Variants in GPC5 observed in about 807,000 individuals in gnomAD.
The protein encoded by GPC5 is glypican 5, also known as glypican-5.
GPC5 carries 47 observed loss-of-function variants against 53.9 expected under a neutral mutation model. That is an observed-to-expected ratio of 0.87 (90% confidence interval 0.69 to 1.11). The LOEUF is 1.11. Among genes scored for constraint, GPC5 ranks in the 50% most tolerant of loss-of-function variants. The pLI, the probability that GPC5 is intolerant of heterozygous loss-of-function variation, is 0.00. For synonymous variants in GPC5, 286 were observed against 263.3 expected (o/e 1.09, Z -0.84); for missense variants, 748 against 713.1 (o/e 1.05, Z -0.56).
At chr13:92,096,214 C>T (rs1387730987) in intron 6 of GPC5, among the ~76,000 whole-genome samples, 1 of 152,166 alleles carries the variant, frequency 6.6e-6, no homozygotes, top group East Asian at 1.9e-4. Context: ...ATTTCTTCCC[C>T]ATCATTGGCC....
chr13:92,108,890 T>A (rs1291926105), intron 6 of GPC5, among the ~76,000 whole-genome samples: 1 of 152,084 alleles, frequency 6.6e-6, no homozygotes, highest in Non-Finnish European at 1.5e-5. Context: ...AGCCATCGTA[T>A]GTAAATTACT....
chr13:91,410,343 T>G (rs1041713427), intron 1 of GPC5, among the ~76,000 whole-genome samples: 1 of 79,094 alleles, frequency 1.3e-5, no homozygotes, highest in East Asian at 2.6e-4. Flanking sequence ...TCCATTCTTT[T>G]TTTTTTTTTT....
intron 6 of GPC5, among the ~76,000 whole-genome samples, chr13:91,923,657 A>T (rs1278485324): frequency 2.0e-5 from 3 of 152,332 alleles, no homozygotes; most frequent in Non-Finnish European, 4.4e-5. Context: ...AAAACAAATC[A>T]TGAGTTTTAT....
At chr13:92,746,591 C>CA (rs1889246385) in intron 7 of GPC5, among the ~76,000 whole-genome samples, 1 of 152,038 alleles carries the variant, frequency 6.6e-6, no homozygotes, top group South Asian at 2.1e-4. Flanking sequence ...ATGTGTCTAT[C>CA]AAAAACCACA....
At chr13:92,563,914 C>G (rs566641961) in intron 7 of GPC5, among the ~76,000 whole-genome samples, 4 of 152,012 alleles carry the variant, frequency 2.6e-5, no homozygotes, top group South Asian at 2.1e-4. Flanking sequence ...CCAAAGAGAA[C>G]AGTTTGGGGT....
chr13:92,332,374 G>A (rs532167836), intron 7 of GPC5, among the ~76,000 whole-genome samples: 31 of 152,080 alleles, frequency 2.0e-4, no homozygotes, highest in Non-Finnish European at 3.5e-4. Flanking sequence ...TAGCAGTGAG[G>A]AATAAAGATA....
intron 7 of GPC5, among the ~76,000 whole-genome samples, chr13:92,796,562 A>G (rs530867274): frequency 6.6e-6 from 1 of 152,080 alleles, no homozygotes; most frequent in South Asian, 2.1e-4. Flanking sequence ...AATTCCAGAA[A>G]GATAAGAACA....
At chr13:91,805,125 GGA>G (rs1271924137) in intron 5 of GPC5, among the ~76,000 whole-genome samples, 2 of 152,090 alleles carry the variant, frequency 1.3e-5, no homozygotes, top group Admixed American at 1.3e-4. Flanking sequence ...ATGACAGGAT[GGA>G]GAGAGGGAGT....
chr13:92,192,948 G>A (rs1030275757), intron 7 of GPC5, among the ~76,000 whole-genome samples: 1 of 152,102 alleles, frequency 6.6e-6, no homozygotes, highest in African/African-American at 2.4e-5. Flanking sequence ...AGGTCAAGGC[G>A]GGCGGATCAC....
intron 6 of GPC5, among the ~76,000 whole-genome samples, chr13:92,036,651 T>A (rs562702181): frequency 1.3e-5 from 2 of 152,324 alleles, no homozygotes; most frequent in South Asian, 4.1e-4. Flanking sequence ...TGTTGACTCC[T>A]CCCTCAACAT....
intron 2 of GPC5, among the ~76,000 whole-genome samples, chr13:91,680,703 A>G (rs1197910740): frequency 6.6e-6 from 1 of 152,228 alleles, no homozygotes; most frequent in African/African-American, 2.4e-5. Flanking sequence ...CTATTAAATG[A>G]AAAGGCTGCC....
chr13:92,363,149 C>A (rs73631011), intron 7 of GPC5, among the ~76,000 whole-genome samples: 4,182 of 151,668 alleles, frequency 0.028, 319 homozygotes, highest in African/African-American at 0.096. Context: ...GAGGTAACTA[C>A]CAAAAGTGGG....
intron 2 of GPC5, among the ~76,000 whole-genome samples, chr13:91,545,510 A>C (rs1324401021): frequency 3.3e-5 from 5 of 152,068 alleles, no homozygotes; most frequent in African/African-American, 1.2e-4. Flanking sequence ...GATTTTCATA[A>C]ATTTTTTTCA....
chr13:92,177,604 A>G (rs2042117850), intron 7 of GPC5, among the ~76,000 whole-genome samples: 1 of 152,172 alleles, frequency 6.6e-6, no homozygotes, highest in South Asian at 2.1e-4. Context: ...TCAGATATGC[A>G]CAGTCTCTGA....
At position 92,826,550 on chromosome 13, in the gene GPC5, G is replaced by C. The variant is rs903964239; in HGVS notation, c.1562-39732G>C. ...ACCTGTGTTGTTTCAAGCCATCAAA[G>C]TAATAGTAATTTGTTCCATGACAAT... is the stretch of plus-strand genomic sequence containing the variant. On this transcript the variant is annotated intron_variant, in intron 7 of 7. Transcript: ENST00000377067. Among the ~76,000 whole-genome samples the C allele has an allele frequency of 2.6e-5, 4 of 152,094 alleles. No individual in the cohort carries two copies. The South Asian group carries it at 8.3e-4, about 31-fold the overall frequency.
At chr13:92,150,182 T>G (rs962901203) in intron 7 of GPC5, among the ~76,000 whole-genome samples, 1 of 151,952 alleles carries the variant, frequency 6.6e-6, no homozygotes, top group African/African-American at 2.4e-5. Context: ...TTAAAACCTT[T>G]GCAAGACATT....
intron 7 of GPC5, among the ~76,000 whole-genome samples, chr13:92,404,414 A>G (rs1258050070): frequency 2.0e-5 from 3 of 152,220 alleles, no homozygotes; most frequent in African/African-American, 7.2e-5. Context: ...AAATCTTAGG[A>G]CCATCTGCCC....
intron 4 of GPC5, among the ~76,000 whole-genome samples, chr13:91,732,154 T>TGTA (rs2036713710): frequency 6.6e-6 from 1 of 152,240 alleles, no homozygotes; most frequent in South Asian, 2.1e-4. Flanking sequence ...TCACCAACTG[T>TGTA]GTAAAAGCAT....
chr13:92,007,173 A>G (rs1462059365), intron 6 of GPC5, among the ~76,000 whole-genome samples: 1 of 152,188 alleles, frequency 6.6e-6, no homozygotes. Flanking sequence ...ATATCAAGCT[A>G]TAACAGGATT....
Sources: allele counts gnomAD v4.1 joint callset (sites outside exome capture counted in the v4.1 genomes callset), GRCh38; gene constraint gnomAD v4.1.1; transcripts MANE v1.5; gene names NCBI Gene and HGNC (gene_info 2026-07-23, HGNC 2026-07-21).